Variants in KMO observed in about 807,000 individuals in gnomAD.
The protein encoded by KMO is kynurenine 3-monooxygenase.
Under a neutral mutation model 57.8 loss-of-function variants are expected in KMO, and 24 were observed. That is an observed-to-expected ratio of 0.42 (90% confidence interval 0.30 to 0.58). The LOEUF (loss-of-function observed/expected upper bound fraction) is 0.58. Among genes scored for constraint, KMO ranks in the 20% least tolerant of loss-of-function variants. The pLI, the probability that KMO is intolerant of heterozygous loss-of-function variation, is 0.22. For synonymous variants in KMO, 210 were observed against 193.6 expected (o/e 1.08, Z -0.70); for missense variants, 483 against 588.2 (o/e 0.82, Z 1.85).
chr1:241,592,009 C>T lies in KMO; in HGVS notation c.1317C>T (p.Tyr439=), dbSNP rs774465527. 10 of 1,613,856 alleles carry T rather than the reference C, an allele frequency of 6.2e-6. No homozygotes were observed. ...CACTGATAGCCATCAGCAGTACCTA[C>T]CTACTTATACACTACATGTCACCAC... ...LGSLIAISST[Y]LLIHYMSPRS... is the part of the protein sequence containing the mutation. The change falls in exon 15 of 15, where the codon TAC becomes TAT. Residue 439 remains tyrosine (Y), a synonymous_variant. Transcript: ENST00000366559.
intron 11 of KMO, among the ~76,000 whole-genome samples, chr1:241,588,470 A>G (rs1409863294): frequency 6.7e-6 from 1 of 149,992 alleles, no homozygotes; most frequent in Non-Finnish European, 1.5e-5. Context: ...TAGAGGGTTT[A>G]TGCATAAGAA....
At chr1:241,588,896 C>A in intron 12 of KMO, 66 bp downstream of exon 12, 1 of 1,232,920 alleles carries the variant, frequency 8.1e-7, no homozygotes, top group Non-Finnish European at 1.2e-6. Flanking sequence ...GTGTTCTTTT[C>A]TTTTTCTTTG....
intron 1 of KMO, among the ~76,000 whole-genome samples, chr1:241,545,621 T>C (rs1408989174): frequency 6.6e-6 from 1 of 152,180 alleles, no homozygotes; most frequent in Non-Finnish European, 1.5e-5. Flanking sequence ...TGATTACCTA[T>C]ATTAAGATCC....
intron 10 of KMO, among the ~76,000 whole-genome samples, chr1:241,581,345 A>G (rs1245863744): frequency 6.6e-6 from 1 of 152,100 alleles, no homozygotes; most frequent in Non-Finnish European, 1.5e-5. Flanking sequence ...AATGATAGGT[A>G]TGGACTTACT....
intron 10 of KMO, among the ~76,000 whole-genome samples, chr1:241,575,876 A>C (rs1662494871): frequency 6.6e-6 from 1 of 151,952 alleles, no homozygotes; most frequent in African/African-American, 2.4e-5. Context: ...CCCCACTATT[A>C]CTGTGTTGCT....
Position 241,549,257 on chromosome 1 carries a change from GAAAGA to G in KMO, c.124+362_124+366del, listed in dbSNP as rs1558414925. ...AGAAAGAAAGAAAGAAAGAAAGAAA[GAAAGA>G]AAGAAAGGAAGGAAGAAAGAAAGAA... On this transcript the variant is annotated intron_variant, in intron 2 of 14. Coordinates refer to ENST00000366559, the MANE Select transcript of KMO (RefSeq NM_003679.5). Among the ~76,000 whole-genome samples, 503 of 94,050 alleles carry G rather than the reference GAAAGA, an allele frequency of 5.3e-3. 14 individuals carry two copies. The highest frequency in any genetic ancestry group is 0.018 in the African/African-American group (478 of 26,940). The allele number at this position is 94,050 out of a possible 152,430, so 61.7% of individuals were successfully genotyped here. A position where few individuals can be genotyped will look rare whatever the true frequency, so the allele number is the denominator to read the frequency against.
intron 1 of KMO, among the ~76,000 whole-genome samples, chr1:241,536,278 A>T (rs192986354): frequency 5.9e-5 from 9 of 152,208 alleles, no homozygotes; most frequent in African/African-American, 1.9e-4. Context: ...TTACAAAAAA[A>T]CTGCCATACA....
rs773867063 is a variant in KMO at position 241,590,066 on chromosome 1, T to A, written c.1153T>A (p.Phe385Ile). 2 of 1,614,010 alleles carry A rather than the reference T, an allele frequency of 1.2e-6. No homozygotes were observed. The highest frequency in any genetic ancestry group is 2.2e-5 in the South Asian group (2 of 91,072). The change falls in exon 13 of 15, where the codon TTT (phenylalanine) becomes ATT (isoleucine). Residue 385 changes from phenylalanine (F) to isoleucine (I), a missense_variant. By Grantham distance (21) the Phe-to-Ile change is conservative (BLOSUM62 0). Coordinates refer to ENST00000366559, the MANE Select transcript of KMO (RefSeq NM_003679.5). ...CATTTTTCAGAAGAACATGGAGAGA[T>A]TTCTTCATGCGATTATGCCATCGAC... ...WFIFQKNMERFLHAIMPSTFI... is the reference protein window; with the variant it reads ...WFIFQKNMERILHAIMPSTFI...
chr1:241,590,175 A>G (rs1435289936), intron 13 of KMO, 29 bp from the exon 14 acceptor site: 1 of 1,609,714 alleles, frequency 6.2e-7, no homozygotes, highest in Non-Finnish European at 8.5e-7. Context: ...TAAAGAATAC[A>G]CAAGAATACT....
intron 1 of KMO, chr1:241,536,615 T>C (rs1660762729): frequency 3.0e-6 from 1 of 338,066 alleles, no homozygotes; most frequent in Middle Eastern, 1.4e-3. Flanking sequence ...GCTGTTGCAA[T>C]GTATGTCCAC....
At chr1:241,559,693 G>A (rs1298897862) in intron 5 of KMO, among the ~76,000 whole-genome samples, 1 of 152,068 alleles carries the variant, frequency 6.6e-6, no homozygotes, top group African/African-American at 2.4e-5. Context: ...GTACAGGCAG[G>A]AATAGAACTC....
intron 9 of KMO, 67 bp downstream of exon 9, chr1:241,566,679 C>G (rs1468120727): frequency 6.4e-7 from 1 of 1,551,318 alleles, no homozygotes; most frequent in Admixed American, 1.7e-5. Flanking sequence ...AAAGGTTATG[C>G]ACCTGATTTC....
intron 11 of KMO, among the ~76,000 whole-genome samples, chr1:241,587,825 T>C (rs1328496051): frequency 1.3e-5 from 2 of 152,090 alleles, no homozygotes; most frequent in East Asian, 3.9e-4. Context: ...TTCCCGCCCT[T>C]CCTTCCTAGT....
intron 10 of KMO, among the ~76,000 whole-genome samples, chr1:241,574,082 T>C (rs1000733455): frequency 2.0e-5 from 3 of 152,152 alleles, no homozygotes; most frequent in Non-Finnish European, 4.4e-5. Context: ...TTGTTGTCAG[T>C]GTATAGCAAC....
chr1:241,566,504 C>T lies in KMO; in HGVS notation c.701C>T (p.Thr234Ile), dbSNP rs200044625. 1.5e-4 allele frequency: 245 copies of T among 1,613,280 alleles called. No homozygotes were observed. The Admixed American group carries it at 2.9e-3, about 19-fold the overall frequency. The change falls in exon 9 of 15, where the codon ACA becomes ATA. Residue 234 changes from threonine to isoleucine, a missense_variant. By Grantham distance (89) the Thr-to-Ile change is moderately conservative. Around this residue, in one of 3 missense-constraint regions of KMO, gnomAD observed 410 missense variants for 492.3 expected, o/e 0.83. Transcript: ENST00000366559. ...IALPNMNKSF[T>I]CTLFMPFEEF... ...TTCTTCTCACAGAACAAATCATTCA[C>T]ATGTACTTTGTTCATGCCCTTTGAA...
intron 1 of KMO, among the ~76,000 whole-genome samples, chr1:241,534,551 C>T (rs183387392): frequency 6.6e-6 from 1 of 152,356 alleles, no homozygotes; most frequent in Admixed American, 6.5e-5. Flanking sequence ...ATGTTTGATT[C>T]CTATTGTCAT....
chr1:241,566,827 G>A (rs961339783), intron 9 of KMO, among the ~76,000 whole-genome samples: 1 of 152,204 alleles, frequency 6.6e-6, no homozygotes, highest in Non-Finnish European at 1.5e-5. Context: ...CGGGAAAGAT[G>A]AGCCACCAAT....
intron 14 of KMO, among the ~76,000 whole-genome samples, chr1:241,590,772 C>A (rs1663263669): frequency 6.6e-6 from 1 of 151,796 alleles, no homozygotes; most frequent in Non-Finnish European, 1.5e-5. Flanking sequence ...ATAGATAGCA[C>A]TGAGCTGGCA....
At position 241,560,676 on chromosome 1, in the gene KMO, T is replaced by C; in HGVS notation, c.373T>C (p.Tyr125His). The C allele has an allele frequency of 6.2e-7, 1 of 1,611,692 alleles. No homozygotes were observed. Among genetic ancestry groups the C allele is most frequent in the African/African-American group, 1.3e-5 (1 of 75,002 alleles). Reference sequence around the variant, plus strand: ...CTCCATTTCCTCAGCTGCTGAGAAATACCCCAATGTGAAAATGCACTTTAA... The same window carrying C: ...CTCCATTTCCTCAGCTGCTGAGAAACACCCCAATGTGAAAATGCACTTTAA... ...NKDLLTAAEKYPNVKMHFNHR... is the reference protein window; with the variant it reads ...NKDLLTAAEKHPNVKMHFNHR... The change falls in exon 6 of 15, where the codon TAC (tyrosine) becomes CAC (histidine). Residue 125 changes from tyrosine (Y) to histidine (H), a missense_variant. Transcript: ENST00000366559.
Sources: gnomAD v4.1 joint callset for allele counts (sites outside exome capture counted in the v4.1 genomes callset) on GRCh38, gnomAD v4.1.1 for gene constraint, gnomAD v4.1.1 regional missense constraint, MANE v1.5 for transcripts, NCBI Gene and HGNC (gene_info 2026-07-23, HGNC 2026-07-21) for gene names.